DLL1: variants seen among roughly 807,000 people sequenced by gnomAD.
DLL1 encodes the protein delta like canonical Notch ligand 1.
DLL1 carries 9 observed loss-of-function variants against 75.1 expected under a neutral mutation model. The ratio of observed to expected loss-of-function variants is 0.12; its 90% CI spans 0.07 to 0.21. The LOEUF (loss-of-function observed/expected upper bound fraction) is 0.21, where lower values mean the gene tolerates loss of function less well. Among genes scored for constraint, DLL1 ranks in the 10% least tolerant of loss-of-function variants. The probability of loss-of-function intolerance (pLI) is 1.00; values close to 1 mark genes in which losing one functional copy is unlikely to be tolerated. For synonymous variants in DLL1, 477 were observed against 418.3 expected (o/e 1.14, Z -1.71); for missense variants, 837 against 1,007.6 (o/e 0.83, Z 2.29).
chr6:170,288,869 G>A (rs2114964876), intron 2 of DLL1, 80 bp from the exon 3 acceptor site: 1 of 1,519,220 alleles, frequency 6.6e-7, no homozygotes, highest in South Asian at 1.1e-5. Context: ...ATTCCTAACA[G>A]CCAGGTCAGC....
At position 170,288,250 on chromosome 6, in the gene DLL1, T is replaced by G; in HGVS notation, c.659A>C (p.Tyr220Ser). 1 of 1,613,858 alleles carries G rather than the reference T, an allele frequency of 6.2e-7. No individual in the cohort carries two copies. The highest frequency in any genetic ancestry group is 8.5e-7 in the Non-Finnish European group (1 of 1,180,034). Residue 220 changes from tyrosine to serine, a missense_variant, in exon 4 of 11, where the codon TAC (tyrosine) becomes TCC (serine). Physicochemically the swap from Tyr to Ser is moderately radical, Grantham distance 144. Around this residue, in one of 2 missense-constraint regions of DLL1, gnomAD observed 304 missense variants for 461.9 expected, o/e 0.66. Transcript: ENST00000366756. Reference sequence around the variant, plus strand: ...TCCCAGAGACTCACGCTCTGTGCAGTAGGGCCCTTTCCAGCCAGGGTTGCA... The same window carrying G: ...TCCCAGAGACTCACGCTCTGTGCAGGAGGGCCCTTTCCAGCCAGGGTTGCA... ...KVCNPGWKGP[Y>S]CTEPICLPGC...
chr6:170,283,624 AC>A lies in DLL1; in HGVS notation c.1654del (p.Val552SerfsTer20). 6.2e-7 allele frequency: 1 copy of A among 1,607,980 alleles called. No homozygotes were observed. On this transcript the variant is annotated frameshift_variant, in exon 9 of 11. Transcript: ENST00000366756. LOFTEE classifies it high-confidence loss of function. The stretch of plus-strand genomic sequence containing the variant: ...CAGCAGCAGCATGAGGACAAGGATG[AC>A]CCCGGCGCACACGGCCACCCAGGGG... The part of the protein sequence containing the change: ...PFPWVAVCAG[V>X]ILVLMLLLGC...
chr6:170,286,341 C>G (rs1381497193), intron 4 of DLL1, 43 bp from the exon 5 acceptor site: 12 of 1,613,040 alleles, frequency 7.4e-6, no homozygotes, highest in Non-Finnish European at 1.0e-5. Flanking sequence ...ACGCCAAGTA[C>G]GTCCCAACAG....
intron 2 of DLL1, chr6:170,289,129 C>T (rs1400173728): frequency 5.1e-6 from 3 of 584,940 alleles, no homozygotes; most frequent in Non-Finnish European, 9.2e-6. Context: ...GATGGGCACG[C>T]TCCGGGTGGT....
rs1583157565 is a variant in DLL1 at position 170,289,578 on chromosome 6, G to C, written c.285C>G (p.Pro95=). Residue 95 remains proline, a synonymous_variant, in exon 2 of 11, where the codon CCC becomes CCG. Coordinates refer to ENST00000366756, the MANE Select transcript of DLL1 (RefSeq NM_005618.4). ...ACGCGGAGTCGGCGCCCCCGCCGTC[G>C]GGCAGACTGAAGGAGTCGACGCCCA... ...PVLGVDSFSL[P]DGGGADSAFS... is the part of the protein sequence containing the mutation. The C allele has an allele frequency of 4.6e-6, 7 of 1,535,194 alleles. No homozygotes were observed. The highest frequency in any genetic ancestry group is 1.2e-5 in the South Asian group (1 of 84,044).
At position 170,289,758 on chromosome 6, in the gene DLL1, C is replaced by T. The variant is rs1042779830; in HGVS notation, c.105G>A (p.Lys35=). 1.4e-5 allele frequency: 22 copies of T among 1,554,546 alleles called. No homozygotes were observed. The highest frequency in any genetic ancestry group is 2.7e-5 in the African/African-American group (2 of 73,400). The stretch of plus-strand genomic sequence containing the variant: ...AGTTGCGGTTCCCCAGCAGCCCCTT[C>T]TTGTTGACGAACTCCTGCAGCTTCA... ...FELKLQEFVN[K]KGLLGNRNCC... Residue 35 remains lysine (K), a synonymous_variant, in exon 2 of 11, where the codon AAG becomes AAA. Transcript: ENST00000366756.
rs41269629 is a variant in DLL1, at chr6:170,282,680, G to A, written c.*194C>T. 0.022 allele frequency: 17,770 copies of A among 812,262 alleles called. 473 individuals carry two copies. Among genetic ancestry groups the A allele is most frequent in the Non-Finnish European group, 0.021 (10,272 of 484,780 alleles). 50.3% of individuals were successfully genotyped at this position (812,262 alleles called of 1,614,324 possible). A position where few individuals can be genotyped will look rare whatever the true frequency, so the allele number is the denominator to read the frequency against. ...CGGCGACGTCACGGAAGGCAGTGCC[G>A]CAGGCGGCCGGGCCGCGACAGGCTG... On this transcript the variant is annotated 3_prime_UTR_variant, in exon 11 of 11. Coordinates refer to ENST00000366756, the MANE Select transcript of DLL1 (RefSeq NM_005618.4).
chr6:170,289,572 G>A lies in DLL1; in HGVS notation c.291C>T (p.Gly97=). The part of the protein sequence containing the change: ...LGVDSFSLPD[G]GGADSAFSNP... ...TGCTGAACGCGGAGTCGGCGCCCCC[G>A]CCGTCGGGCAGACTGAAGGAGTCGA... Residue 97 remains glycine (G), a synonymous_variant, in exon 2 of 11, where the codon GGC becomes GGT. Transcript: ENST00000366756. 1 of 1,535,266 alleles carries A rather than the reference G, an allele frequency of 6.5e-7. No homozygotes were observed. The highest frequency in any genetic ancestry group is 2.4e-5 in the East Asian group (1 of 40,868).
Position 170,289,577 on chromosome 6 carries a change from C to T in DLL1, c.286G>A (p.Asp96Asn). The change falls in exon 2 of 11, where the codon GAC becomes AAC. Residue 96 changes from aspartate to asparagine, a missense_variant. By Grantham distance (23) the Asp-to-Asn change is conservative (BLOSUM62 1). This residue lies in a region of DLL1 where 304 missense variants were observed against 461.9 expected (regional missense o/e 0.66). Transcript: ENST00000366756. ...AACGCGGAGTCGGCGCCCCCGCCGTCGGGCAGACTGAAGGAGTCGACGCCC... is the reference window on the plus strand; with the variant it reads ...AACGCGGAGTCGGCGCCCCCGCCGTTGGGCAGACTGAAGGAGTCGACGCCC... ...VLGVDSFSLP[D>N]GGGADSAFSN... The T allele has an allele frequency of 1.3e-6, 2 of 1,535,324 alleles. No homozygotes were observed. The highest frequency in any genetic ancestry group is 1.2e-5 in the South Asian group (1 of 84,032).
intron 2 of DLL1, 40 bp downstream of exon 2, chr6:170,289,472 G>A: frequency 6.6e-7 from 1 of 1,525,642 alleles, no homozygotes; most frequent in Non-Finnish European, 8.8e-7. Flanking sequence ...AGCCCGCCCA[G>A]CTTCAGGGCC....
At chr6:170,286,216 A>C (rs998055885) in intron 5 of DLL1, 22 bp downstream of exon 5, 2 of 1,614,166 alleles carry the variant, frequency 1.2e-6, no homozygotes, top group Non-Finnish European at 8.5e-7. Flanking sequence ...ACAAAACAAA[A>C]CACCACCTTG....
Position 170,290,708 on chromosome 6 carries a change from TCGG to T in DLL1, c.-572_-570del. 3 of 335,820 alleles carry T rather than the reference TCGG, an allele frequency of 8.9e-6. No individual in the cohort carries two copies. Among genetic ancestry groups the T allele is most frequent in the Non-Finnish European group, 1.6e-5 (3 of 182,896 alleles). 20.8% of individuals were successfully genotyped at this position (335,820 alleles called of 1,614,324 possible). On this transcript the variant is annotated 5_prime_UTR_variant, in exon 1 of 11. Coordinates refer to ENST00000366756, the MANE Select transcript of DLL1 (RefSeq NM_005618.4). This position sits in a 1 kb window ranked among gnomAD's most constrained non-coding sequence, Gnocchi z 4.7. The stretch of plus-strand genomic sequence containing the variant: ...CCTGCGGATCGCGGCCCGGTGTCAC[TCGG>T]CGGCGGCGGTCGTTCCGGGAGCACT...
Position 170,282,737 on chromosome 6 carries a change from C to T in DLL1, c.*137G>A. On this transcript the variant is annotated 3_prime_UTR_variant, in exon 11 of 11. Coordinates refer to ENST00000366756, the MANE Select transcript of DLL1 (RefSeq NM_005618.4). The stretch of plus-strand genomic sequence containing the variant: ...GGCGTCGAGGACCTCAGGAGGAGAA[C>T]CTGCTCGGTCTGAACTCGGTTTCTC... The T allele has an allele frequency of 6.8e-7, 1 of 1,473,684 alleles. No homozygotes were observed. The highest frequency in any genetic ancestry group is 9.5e-7 in the Non-Finnish European group (1 of 1,055,450). 91.3% of individuals were successfully genotyped at this position (1,473,684 alleles called of 1,614,324 possible).
chr6:170,284,111 G>A lies in DLL1; in HGVS notation c.1250-82C>T. ...GTCACTCTGAAGCATCTATCTGTCT[G>A]ACACTGTAGAAACCAGACAAACCAA... On this transcript the variant is annotated intron_variant, in intron 8 of 10. Coordinates refer to ENST00000366756, the MANE Select transcript of DLL1 (RefSeq NM_005618.4). 6 of 1,510,064 alleles carry A rather than the reference G, an allele frequency of 4.0e-6. No individual in the cohort carries two copies. In the South Asian group the frequency reaches 6.0e-5, roughly 15 times the overall value. The allele number at this position is 1,510,064 out of a possible 1,614,324, so 93.5% of individuals were successfully genotyped here.
At position 170,289,572 on chromosome 6, in the gene DLL1, G is replaced by C; in HGVS notation, c.291C>G (p.Gly97=). 1 of 1,535,266 alleles carries C rather than the reference G, an allele frequency of 6.5e-7. No homozygotes were observed. Among genetic ancestry groups the C allele is most frequent in the Non-Finnish European group, 8.7e-7 (1 of 1,146,436 alleles). Reference sequence around the variant, plus strand: ...TGCTGAACGCGGAGTCGGCGCCCCCGCCGTCGGGCAGACTGAAGGAGTCGA... The same window carrying C: ...TGCTGAACGCGGAGTCGGCGCCCCCCCCGTCGGGCAGACTGAAGGAGTCGA... The part of the protein sequence containing the change: ...LGVDSFSLPD[G]GGADSAFSNP... Residue 97 remains glycine, a synonymous_variant, in exon 2 of 11, where the codon GGC becomes GGG. Coordinates refer to ENST00000366756, the MANE Select transcript of DLL1 (RefSeq NM_005618.4).
rs1471340177 is a variant in DLL1, at chr6:170,290,089, A to G, written c.51T>C (p.Cys17=). Residue 17 remains cysteine (C), a synonymous_variant, in exon 1 of 11, where the codon TGT becomes TGC. Coordinates refer to ENST00000366756, the MANE Select transcript of DLL1 (RefSeq NM_005618.4). The surrounding 1 kb of genome is among the most constrained non-coding windows in gnomAD (Gnocchi z 4.7). The stretch of plus-strand genomic sequence containing the variant: ...GCGCCCCCACCTGCCCGCCTACCTG[A>G]CACAGCAAGGCCGAGAGCACCGCCA... ...LALAVLSALL[C]QVWSSGVFEL... 6.3e-7 allele frequency: 1 copy of G among 1,584,984 alleles called. No homozygotes were observed. Among genetic ancestry groups the G allele is most frequent in the South Asian group, 1.1e-5 (1 of 89,208 alleles).
intron 2 of DLL1, 188 bp downstream of exon 2, chr6:170,289,323 GC>G: frequency 1.0e-6 from 1 of 975,692 alleles, no homozygotes; most frequent in Non-Finnish European, 1.5e-6. Flanking sequence ...AGGCCGCGGG[GC>G]CCCGGGGCGA....
chr6:170,282,763 A>T lies in DLL1; in HGVS notation c.*111T>A. On this transcript the variant is annotated 3_prime_UTR_variant, in exon 11 of 11. Transcript: ENST00000366756. ...CTGCTCGGTCTGAACTCGGTTTCTC[A>T]GCAGCAGTCCACGAGGCCTCCCTCC... is the stretch of plus-strand genomic sequence containing the variant. The T allele has an allele frequency of 6.4e-7, 1 of 1,571,622 alleles. No homozygotes were observed. The highest frequency in any genetic ancestry group is 8.7e-7 in the Non-Finnish European group (1 of 1,142,994).
chr6:170,289,812 C>CA lies in DLL1; in HGVS notation c.55-5dup. On this transcript the variant is annotated splice_region_variant and splice_polypyrimidine_tract_variant and intron_variant, in intron 1 of 10. Transcript: ENST00000366756. The stretch of plus-strand genomic sequence containing the variant: ...CGAACACCCCAGAGCTCCAGACCTG[C>CA]ACGGGGGAGGGCGGGGGCGTGAGGA... The CA allele has an allele frequency of 6.4e-7, 1 of 1,555,128 alleles. No homozygotes were observed. The highest frequency in any genetic ancestry group is 8.7e-7 in the Non-Finnish European group (1 of 1,149,284).
Sources: gnomAD v4.1 joint callset for allele counts on GRCh38, gnomAD v4.1.1 for gene constraint, gnomAD v4.1.1 regional missense constraint, Gnocchi (gnomAD v3.1) non-coding constraint, MANE v1.5 for transcripts, NCBI Gene and HGNC (gene_info 2026-07-23, HGNC 2026-07-21) for gene names.